The following SORD variants were observed in gnomAD, a reference collection of about 807,000 sequenced individuals.
SORD encodes sorbitol dehydrogenase, also known as (R,R)-butanediol dehydrogenase.
Under a neutral mutation model 35.6 loss-of-function variants are expected in SORD, and 18 were observed. That is an observed-to-expected ratio of 0.51 (90% CI 0.35 to 0.75). SORD has a LOEUF of 0.75. Among genes scored for constraint, SORD ranks in the 30% least tolerant of loss-of-function variants. The probability of loss-of-function intolerance (pLI) is 0.01; values close to 1 mark genes in which losing one functional copy is unlikely to be tolerated. For synonymous variants in SORD, 106 were observed against 152.9 expected (o/e 0.69, Z 2.26); for missense variants, 250 against 390.2 (o/e 0.64, Z 3.03).
At chr15:45,031,161 T>C (rs1892778853) in intron 1 of SORD, among the ~76,000 whole-genome samples, 1 of 152,082 alleles carries the variant, frequency 6.6e-6, no homozygotes, top group African/African-American at 2.4e-5. Flanking sequence ...CTACAAAAAA[T>C]GTAAAAAGTA....
At chr15:45,069,101 G>A (rs1381401363) in intron 7 of SORD, 49 bp downstream of exon 7, 1 of 1,397,986 alleles carries the variant, frequency 7.2e-7, no homozygotes, top group Non-Finnish European at 9.4e-7. Context: ...GGGAGTGAAG[G>A]AGGCAGAAGT....
rs183231113 is a variant in SORD at position 45,038,768 on chromosome 15, G to C, written c.67-1640G>C. ...AGCAGCATTTGTCTAGTGCCCTTTG[G>C]TGTTGTTTAGTGCGGTGGGGCTGCC... On this transcript the variant is annotated intron_variant, in intron 1 of 8. Transcript: ENST00000267814. 1.1e-4 allele frequency among the ~76,000 whole-genome samples: 16 copies of C among 152,324 alleles called. No homozygotes were observed. The East Asian group carries it at 2.9e-3, about 28-fold the overall frequency.
At chr15:45,069,203 T>TC (rs1219209486) in intron 7 of SORD, 151 bp downstream of exon 7, 3 of 457,444 alleles carry the variant, frequency 6.6e-6, no homozygotes, top group South Asian at 7.8e-5. Flanking sequence ...TCTTTTTTTT[T>TC]TTTTTTTTTT....
At chr15:45,029,798 A>G (rs1350732994) in intron 1 of SORD, among the ~76,000 whole-genome samples, 2 of 152,224 alleles carry the variant, frequency 1.3e-5, no homozygotes, top group African/African-American at 4.8e-5. Context: ...TCAGCAGAGA[A>G]GGGAACTGGA....
At chr15:45,039,502 A>G (rs549809564) in intron 1 of SORD, among the ~76,000 whole-genome samples, 1 of 152,336 alleles carries the variant, frequency 6.6e-6, no homozygotes, top group South Asian at 2.1e-4. Flanking sequence ...CTTCCTTGTC[A>G]CTAGGACTTT....
At chr15:45,032,356 T>C (rs963573499) in intron 1 of SORD, among the ~76,000 whole-genome samples, 5 of 152,172 alleles carry the variant, frequency 3.3e-5, no homozygotes, top group Non-Finnish European at 7.3e-5. Flanking sequence ...AAAAAAAGAC[T>C]CCATTTTGAG....
At chr15:45,023,395 C>T in intron 1 of SORD, 46 bp downstream of exon 1, 1 of 1,444,154 alleles carries the variant, frequency 6.9e-7, no homozygotes, top group Middle Eastern at 2.0e-4. Context: ...CTGCCTCACT[C>T]TCCTCTGAGC....
rs200658606 is a variant in SORD, at chr15:45,061,226, A to G, written c.425A>G (p.Lys142Arg). The change falls in exon 4 of 9, where the codon AAG (lysine) becomes AGG (arginine). Residue 142 changes from lysine (K) to arginine (R), a missense_variant and splice_region_variant. Lys to Arg is a conservative substitution (Grantham distance 26). Coordinates refer to ENST00000267814, the MANE Select transcript of SORD (RefSeq NM_003104.6). Reference protein sequence around the residue: ...FYKHNAAFCYKLPDNVTFEEG... With the variant: ...FYKHNAAFCYRLPDNVTFEEG... ...AAGCACAATGCAGCCTTTTGTTACA[A>G]GTTAGTGTCCACAGTCCCACTGGGT... is the stretch of plus-strand genomic sequence containing the variant. The G allele has an allele frequency of 1.2e-6, 2 of 1,614,044 alleles. No homozygotes were observed. The highest frequency in any genetic ancestry group is 1.7e-6 in the Non-Finnish European group (2 of 1,180,018).
At chr15:45,024,025 C>A (rs1268039019) in intron 1 of SORD, among the ~76,000 whole-genome samples, 3 of 152,192 alleles carry the variant, frequency 2.0e-5, no homozygotes, top group African/African-American at 7.2e-5. Flanking sequence ...AGCAGTTTTT[C>A]TTTCCAATCC....
At chr15:45,028,477 C>T (rs1218804922) in intron 1 of SORD, among the ~76,000 whole-genome samples, 6 of 152,224 alleles carry the variant, frequency 3.9e-5, no homozygotes, top group Admixed American at 3.9e-4. Flanking sequence ...CAGGCAGGAG[C>T]ATCTGAACAG....
At position 45,068,183 on chromosome 15, in the gene SORD, C is replaced by G. The variant is rs755799298; in HGVS notation, c.547C>G (p.Pro183Ala). 6.8e-6 allele frequency: 11 copies of G among 1,613,002 alleles called. 1 individual carries two copies. The South Asian group carries it at 1.1e-4, about 16-fold the overall frequency. The change falls in exon 6 of 9, where the codon CCA (proline) becomes GCA (alanine). Residue 183 changes from proline (P) to alanine (A), a missense_variant and splice_region_variant. Physicochemically the swap from Pro to Ala is conservative, Grantham distance 27 (BLOSUM62 -1). Coordinates refer to ENST00000267814, the MANE Select transcript of SORD (RefSeq NM_003104.6). ...GHKVLVCGAGPIGMVTLLVAK... is the reference protein window; with the variant it reads ...GHKVLVCGAGAIGMVTLLVAK... ...ATTCCATCTTCTGCTTTGTTTAGGG[C>G]CAATCGGGATGGTCACTTTGCTCGT...
intron 1 of SORD, among the ~76,000 whole-genome samples, chr15:45,026,174 C>T (rs185866929): frequency 2.6e-5 from 4 of 152,272 alleles, no homozygotes; most frequent in South Asian, 2.1e-4. Flanking sequence ...ACCCAGACCC[C>T]GAGTGTGGTA....
chr15:45,063,447 T>C (rs1893355425), intron 4 of SORD, among the ~76,000 whole-genome samples: 1 of 151,618 alleles, frequency 6.6e-6, no homozygotes, highest in South Asian at 2.1e-4. Flanking sequence ...CAACCCCCAC[T>C]GGACAAGATT....
intron 1 of SORD, among the ~76,000 whole-genome samples, chr15:45,036,745 G>A (rs564715405): frequency 1.3e-5 from 2 of 152,134 alleles, no homozygotes; most frequent in East Asian, 1.9e-4. Context: ...AAAGAAATTC[G>A]TTTAGGAAAC....
intron 4 of SORD, among the ~76,000 whole-genome samples, chr15:45,064,004 AC>A (rs1893365070): frequency 6.7e-6 from 1 of 148,796 alleles, no homozygotes; most frequent in South Asian, 2.2e-4. Context: ...AGGGACAGTG[AC>A]AGGAGGACTC....
chr15:45,067,864 T>A (rs74534868), intron 5 of SORD, among the ~76,000 whole-genome samples: 1 of 152,164 alleles, frequency 6.6e-6, no homozygotes, highest in African/African-American at 2.4e-5. Context: ...TCTGAATAAG[T>A]TTGTGTTTCC....
intron 5 of SORD, among the ~76,000 whole-genome samples, chr15:45,065,754 T>G (rs1316628533): frequency 6.6e-6 from 1 of 152,004 alleles, no homozygotes; most frequent in Non-Finnish European, 1.5e-5. Flanking sequence ...ACCCCGTCTC[T>G]ACAAAAAAAT....
Position 45,055,670 on chromosome 15 carries a change from G to T in SORD, c.266-5397G>T, listed in dbSNP as rs1052516749. 4.1e-4 allele frequency among the ~76,000 whole-genome samples: 62 copies of T among 152,098 alleles called. 1 individual carries two copies. The highest frequency in any genetic ancestry group is 7.8e-4 in the Non-Finnish European group (53 of 68,018). On this transcript the variant is annotated intron_variant, in intron 3 of 8. Coordinates refer to ENST00000267814, the MANE Select transcript of SORD (RefSeq NM_003104.6). Reference sequence around the variant, plus strand: ...CCAGCATCATCCTGATACCAAAGCCGGGCAGAGACACAACCAAAAAGGAGA... The same window carrying T: ...CCAGCATCATCCTGATACCAAAGCCTGGCAGAGACACAACCAAAAAGGAGA...
Position 45,074,156 on chromosome 15 carries a change from A to C in SORD, c.*626A>C, listed in dbSNP as rs1267701162. ...AAAAGGAAATGTCATGTGAGGTTAA[A>C]CCAGTTTGCATTCCCCTAATGTGGA... On this transcript the variant is annotated 3_prime_UTR_variant, in exon 9 of 9. Transcript: ENST00000267814. 5.7e-5 allele frequency: 8 copies of C among 140,482 alleles called. No individual in the cohort carries two copies. Among genetic ancestry groups the C allele is most frequent in the Admixed American group, 1.4e-4 (2 of 14,198 alleles). 8.7% of individuals were successfully genotyped at this position (140,482 alleles called of 1,614,324 possible).
Sources: allele counts gnomAD v4.1 joint callset (sites outside exome capture counted in the v4.1 genomes callset), GRCh38; gene constraint gnomAD v4.1.1; transcripts MANE v1.5; gene names NCBI Gene and HGNC (gene_info 2026-07-23, HGNC 2026-07-21).